MED28: variants seen among roughly 807,000 people sequenced by gnomAD.
The protein encoded by MED28 is mediator of RNA polymerase II transcription subunit 28.
A neutral mutation model predicts 21.3 loss-of-function variants in MED28; 26 were observed. That is an observed-to-expected ratio of 1.22 (90% CI 0.89 to 1.69). The LOEUF (loss-of-function observed/expected upper bound fraction) is 1.69, where lower values mean the gene tolerates loss of function less well. Ranked by LOEUF, MED28 falls within the 40% of genes most tolerant of loss-of-function variation. MED28 has a pLI of 0.00. For missense variants in MED28, 257 were observed against 215.4 expected (o/e 1.19, Z -1.21); for synonymous variants, 110 against 87.6 (o/e 1.26, Z -1.43).
chr4:17,614,878 T>C, intron 1 of MED28, 65 bp downstream of exon 1: 1 of 1,508,550 alleles, frequency 6.6e-7, no homozygotes, highest in Non-Finnish European at 8.9e-7. Context: ...GAACTGCGCG[T>C]ACGCGTATCT....
At chr4:17,618,914 C>T (rs368985668) in intron 1 of MED28, among the ~76,000 whole-genome samples, 6 of 152,164 alleles carry the variant, frequency 3.9e-5, no homozygotes, top group Admixed American at 6.5e-5. Flanking sequence ...AAATCAAGCG[C>T]GGGAGCTGCA....
rs1351890213 is a variant in MED28, at chr4:17,627,988, C to T, written c.*4190C>T. The stretch of plus-strand genomic sequence containing the variant: ...GCTCTTCCTGTCTTCTGTTTCCTCT[C>T]CCCTTTCTCTAACATAGGTGTTTCT... On this transcript the variant is annotated 3_prime_UTR_variant, in exon 4 of 4. Coordinates refer to ENST00000237380, the MANE Select transcript of MED28 (RefSeq NM_025205.5). 6.6e-6 allele frequency: 1 copy of T among 152,196 alleles called. No individual in the cohort carries two copies. Among genetic ancestry groups the T allele is most frequent in the Admixed American group, 6.5e-5 (1 of 15,278 alleles). The allele number at this position is 152,196 out of a possible 1,614,324, so 9.4% of individuals were successfully genotyped here.
At position 17,634,027 on chromosome 4, in the gene MED28, A is replaced by AT. The variant is rs1160002103; in HGVS notation, c.*10235dup. 1.5e-5 allele frequency: 9 copies of AT among 589,082 alleles called. No individual in the cohort carries two copies. The highest frequency in any genetic ancestry group is 1.9e-5 in the African/African-American group (1 of 51,650). The allele number at this position is 589,082 out of a possible 1,614,324, so 36.5% of individuals were successfully genotyped here. On this transcript the variant is annotated 3_prime_UTR_variant, in exon 4 of 4. Coordinates refer to ENST00000237380, the MANE Select transcript of MED28 (RefSeq NM_025205.5). Reference sequence around the variant, plus strand: ...AATTTCATTTATACACTTACATGCTATTTTTTAAAGCACTTTTCCCTCCAA... The same window carrying AT: ...AATTTCATTTATACACTTACATGCTATTTTTTTAAAGCACTTTTCCCTCCAA...
chr4:17,616,146 A>G (rs140594361), intron 1 of MED28, among the ~76,000 whole-genome samples: 3,743 of 152,180 alleles, frequency 0.025, 143 homozygotes, highest in African/African-American at 0.081. Flanking sequence ...TAGTAGAGAC[A>G]GGGCTTCACT....
intron 1 of MED28, among the ~76,000 whole-genome samples, chr4:17,615,671 G>A (rs896430527): frequency 6.6e-6 from 1 of 151,414 alleles, no homozygotes; most frequent in African/African-American, 2.4e-5. Context: ...TTAGCCAGGC[G>A]TGGTGGCGTG....
chr4:17,621,694 A>T lies in MED28; in HGVS notation c.334A>T (p.Lys112Ter). The T allele has an allele frequency of 1.9e-6, 3 of 1,605,052 alleles. No individual in the cohort carries two copies. Among genetic ancestry groups the T allele is most frequent in the Non-Finnish European group, 8.5e-7 (1 of 1,175,126 alleles). Residue 112 changes from lysine (K) to a stop codon, truncating the protein, a stop_gained, in exon 3 of 4, where the codon AAA becomes TAA. Coordinates refer to ENST00000237380, the MANE Select transcript of MED28 (RefSeq NM_025205.5). LOFTEE classifies it high-confidence loss of function. Reference sequence around the variant, plus strand: ...TGTCCAGAAACCAGAGCAAGTTATCAAAGAGGTATGAACTCAGTTTTCTCC... The same window carrying T: ...TGTCCAGAAACCAGAGCAAGTTATCTAAGAGGTATGAACTCAGTTTTCTCC... ...LSVQKPEQVI[K>*]EDVSELRNEL...
chr4:17,615,732 C>G (rs1388018338), intron 1 of MED28, among the ~76,000 whole-genome samples: 5 of 152,132 alleles, frequency 3.3e-5, no homozygotes, highest in African/African-American at 1.2e-4. Context: ...ATCGCTTGAA[C>G]CTGGGATGCG....
Position 17,633,932 on chromosome 4 carries a change from AC to A in MED28, c.*10135del. On this transcript the variant is annotated 3_prime_UTR_variant, in exon 4 of 4. Coordinates refer to ENST00000237380, the MANE Select transcript of MED28 (RefSeq NM_025205.5). ...AGGTTAGTGCAATGCAATGCAAAAA[AC>A]AAAATAAAGCATTATTGTAAAAGCA... is the stretch of plus-strand genomic sequence containing the variant. 1 of 1,302,998 alleles carries A rather than the reference AC, an allele frequency of 7.7e-7. No homozygotes were observed. Among genetic ancestry groups the A allele is most frequent in the Non-Finnish European group, 9.9e-7 (1 of 1,006,818 alleles). The allele number at this position is 1,302,998 out of a possible 1,614,324, so 80.7% of individuals were successfully genotyped here. A position where few individuals can be genotyped will look rare whatever the true frequency, so the allele number is the denominator to read the frequency against.
At position 17,633,642 on chromosome 4, in the gene MED28, C is replaced by T. The variant is rs954219469; in HGVS notation, c.*9844C>T. ...GAAAGAATCCTACTTCCCCTCTTAT[C>T]TACAGGGAAATAGAATAAGGGCCCC... is the stretch of plus-strand genomic sequence containing the variant. On this transcript the variant is annotated 3_prime_UTR_variant, in exon 4 of 4. Coordinates refer to ENST00000237380, the MANE Select transcript of MED28 (RefSeq NM_025205.5). The T allele has an allele frequency of 3.6e-6, 5 of 1,398,050 alleles. No individual in the cohort carries two copies. The highest frequency in any genetic ancestry group is 3.1e-5 in the Admixed American group (1 of 31,792). The allele number at this position is 1,398,050 out of a possible 1,614,324, so 86.6% of individuals were successfully genotyped here.
At chr4:17,615,775 A>C (rs992669063) in intron 1 of MED28, among the ~76,000 whole-genome samples, 3 of 152,172 alleles carry the variant, frequency 2.0e-5, no homozygotes, top group African/African-American at 7.2e-5. Flanking sequence ...GCGCCATTGC[A>C]CTCCAGCGTG....
At chr4:17,615,065 C>T (rs1298775133) in intron 1 of MED28, among the ~76,000 whole-genome samples, 1 of 152,222 alleles carries the variant, frequency 6.6e-6, no homozygotes, top group Admixed American at 6.5e-5. Context: ...ACTTGGAACC[C>T]TTCCAGATTC....
rs1471227841 is a variant in MED28 at position 17,632,072 on chromosome 4, T to G, written c.*8274T>G. The G allele has an allele frequency of 6.5e-5, 2 of 30,926 alleles. No homozygotes were observed. 1.9% of individuals were successfully genotyped at this position (30,926 alleles called of 1,614,324 possible). A position where few individuals can be genotyped will look rare whatever the true frequency, so the allele number is the denominator to read the frequency against. On this transcript the variant is annotated 3_prime_UTR_variant, in exon 4 of 4. Coordinates refer to ENST00000237380, the MANE Select transcript of MED28 (RefSeq NM_025205.5). The stretch of plus-strand genomic sequence containing the variant: ...TTTTTTTTTTTTTTTTTTTTTTTTT[T>G]TTTTTTTTTTTTTTTGGAGACAGGG...
chr4:17,633,969 A>G lies in MED28; in HGVS notation c.*10171A>G. ...ATTATTGTAAAAGCAAATAATGCTC[A>G]CCCAATCAAAATTGTATCGGAGAAG... On this transcript the variant is annotated 3_prime_UTR_variant, in exon 4 of 4. Coordinates refer to ENST00000237380, the MANE Select transcript of MED28 (RefSeq NM_025205.5). The G allele has an allele frequency of 8.8e-6, 10 of 1,134,008 alleles. No individual in the cohort carries two copies. The highest frequency in any genetic ancestry group is 1.2e-5 in the Non-Finnish European group (10 of 856,614). The allele number at this position is 1,134,008 out of a possible 1,614,324, so 70.2% of individuals were successfully genotyped here.
chr4:17,631,071 A>G lies in MED28; in HGVS notation c.*7273A>G, dbSNP rs1390707458. 1 of 152,206 alleles carries G rather than the reference A, an allele frequency of 6.6e-6. No individual in the cohort carries two copies. The highest frequency in any genetic ancestry group is 1.5e-5 in the Non-Finnish European group (1 of 68,040). 9.4% of individuals were successfully genotyped at this position (152,206 alleles called of 1,614,324 possible). On this transcript the variant is annotated 3_prime_UTR_variant, in exon 4 of 4. Transcript: ENST00000237380. ...CATTGCTCTGTCAGAAGGTAAGACA[A>G]ATCAGTGTGGACTGAGAGCAAGGTC...
Position 17,614,712 on chromosome 4 carries a change from C to T in MED28, c.58C>T (p.Pro20Ser), listed in dbSNP as rs1257303554. The T allele has an allele frequency of 6.2e-7, 1 of 1,614,222 alleles. No homozygotes were observed. Among genetic ancestry groups the T allele is most frequent in the Non-Finnish European group, 8.5e-7 (1 of 1,180,036 alleles). The change falls in exon 1 of 4, where the codon CCG (proline) becomes TCG (serine). Residue 20 changes from proline (P) to serine (S), a missense_variant. Transcript: ENST00000237380. Reference protein sequence around the residue: ...SGQPPGPPQAPPGLPGQASLL... With the variant: ...SGQPPGPPQASPGLPGQASLL... ...GCAGCCACCCGGTCCCCCTCAGGCCCCGCCGGGCCTTCCGGGCCAAGCTTC... is the reference window on the plus strand; with the variant it reads ...GCAGCCACCCGGTCCCCCTCAGGCCTCGCCGGGCCTTCCGGGCCAAGCTTC...
At chr4:17,619,735 T>G (rs1714562915) in intron 1 of MED28, among the ~76,000 whole-genome samples, 166 bp from the exon 2 acceptor site, 1 of 152,140 alleles carries the variant, frequency 6.6e-6, no homozygotes, top group Non-Finnish European at 1.5e-5. Context: ...ATTGGTAAAC[T>G]CAGTTTACCA....
chr4:17,629,950 A>T lies in MED28; in HGVS notation c.*6152A>T, dbSNP rs1355658892. On this transcript the variant is annotated 3_prime_UTR_variant, in exon 4 of 4. Transcript: ENST00000237380. ...TGCCTTACTTCAATACCCAAGGCAT[A>T]TGGCCTCAATAAAAAATTATGGAAG... 1.3e-5 allele frequency: 2 copies of T among 152,218 alleles called. No individual in the cohort carries two copies. Among genetic ancestry groups the T allele is most frequent in the Non-Finnish European group, 1.5e-5 (1 of 68,032 alleles). 9.4% of individuals were successfully genotyped at this position (152,218 alleles called of 1,614,324 possible). A position where few individuals can be genotyped will look rare whatever the true frequency, so the allele number is the denominator to read the frequency against.
rs1714703376 is a variant in MED28 at position 17,623,815 on chromosome 4, G to C, written c.*17G>C. The C allele has an allele frequency of 3.1e-6, 5 of 1,607,840 alleles. No individual in the cohort carries two copies. In the East Asian group the frequency reaches 9.0e-5, roughly 29 times the overall value. On this transcript the variant is annotated 3_prime_UTR_variant, in exon 4 of 4. Coordinates refer to ENST00000237380, the MANE Select transcript of MED28 (RefSeq NM_025205.5). ...CCAACGTGAGCAAAGGGCAGAGGCA[G>C]TTGGCCTATGAGTGGGCTGATGCGT...
Position 17,614,813 on chromosome 4 carries a change from G to A in MED28, c.159G>A (p.Glu53=). The change falls in exon 1 of 4, where the codon GAG becomes GAA. Residue 53 remains glutamate, a splice_region_variant and synonymous_variant. Coordinates refer to ENST00000237380, the MANE Select transcript of MED28 (RefSeq NM_025205.5). ...TGGACGAGTTGGAGTCATCTTTCGA[G>A]GTAATATAAGACATGGGCGTCTTTG... ...TLVDELESSF[E]ACFASLVSQD... is the part of the protein sequence containing the mutation. 1 of 1,601,910 alleles carries A rather than the reference G, an allele frequency of 6.2e-7. No individual in the cohort carries two copies. The highest frequency in any genetic ancestry group is 8.5e-7 in the Non-Finnish European group (1 of 1,175,004).
Sources: gnomAD v4.1 joint callset for allele counts (sites outside exome capture counted in the v4.1 genomes callset) on GRCh38, gnomAD v4.1.1 for gene constraint, MANE v1.5 for transcripts, NCBI Gene and HGNC (gene_info 2026-07-23, HGNC 2026-07-21) for gene names.